PCDH19: variants seen among roughly 807,000 people sequenced by gnomAD.
PCDH19 encodes the protein protocadherin-19.
Under a neutral mutation model 46.2 loss-of-function variants are expected in PCDH19, and 6 were observed. The observed-to-expected ratio is 0.13, with a 90% CI of 0.07 to 0.26. The LOEUF is 0.26. Among genes scored for constraint, PCDH19 ranks in the 10% least tolerant of loss-of-function variants. The pLI, the probability that PCDH19 is intolerant of heterozygous loss-of-function variation, is 1.00. For synonymous variants in PCDH19, 481 were observed against 415.7 expected (o/e 1.16, Z -1.91); for missense variants, 740 against 972.3 (o/e 0.76, Z 3.18).
At chrX:100,298,072 A>G (rs946702747) in intron 5 of PCDH19, among the ~76,000 whole-genome samples, 1 of 110,771 alleles carries the variant, frequency 9.0e-6, no homozygotes, top group African/African-American at 3.3e-5. Context: ...GATGTCTGCA[A>G]TTCAGAGTCT....
intron 5 of PCDH19, among the ~76,000 whole-genome samples, chrX:100,315,616 G>A (rs1280004886): frequency 8.9e-6 from 1 of 112,357 alleles, no homozygotes; most frequent in Non-Finnish European, 1.9e-5. Flanking sequence ...CACCAAATAT[G>A]CTTAGAAGTC....
At chrX:100,344,918 C>T (rs951420847) in intron 4 of PCDH19, among the ~76,000 whole-genome samples, 5 of 108,168 alleles carry the variant, frequency 4.6e-5, no homozygotes, top group African/African-American at 1.7e-4. Context: ...TGCCAAATCA[C>T]CCCACAGTTG....
chrX:100,314,746 G>C (rs1217663421), intron 5 of PCDH19, among the ~76,000 whole-genome samples: 1 of 111,537 alleles, frequency 9.0e-6, no homozygotes, highest in Non-Finnish European at 1.9e-5. Context: ...AGATGGAATT[G>C]CCGTTACAAA....
At position 100,407,558 on chromosome X, in the gene PCDH19, T is replaced by G. The variant is rs755904886; in HGVS notation, c.1040A>C (p.Asn347Thr). ...LDTNDNPPVI[N>T]LLSVNSELVE... is the part of the protein sequence containing the mutation. Reference sequence around the variant, plus strand: ...AAGCTCACTGTTGACTGACAGCAGGTTGATGACCGGCGGATTGTCATTGGT... The same window carrying G: ...AAGCTCACTGTTGACTGACAGCAGGGTGATGACCGGCGGATTGTCATTGGT... The change falls in exon 1 of 6, where the codon AAC becomes ACC. Residue 347 changes from asparagine to threonine, a missense_variant. Coordinates refer to ENST00000373034, the MANE Select transcript of PCDH19 (RefSeq NM_001184880.2). 3 of 1,211,192 alleles carry G rather than the reference T, an allele frequency of 2.5e-6. No homozygotes were observed. Among genetic ancestry groups the G allele is most frequent in the Admixed American group, 4.3e-5 (2 of 46,103 alleles).
intron 3 of PCDH19, among the ~76,000 whole-genome samples, chrX:100,354,819 C>A (rs990858450): frequency 9.0e-6 from 1 of 110,742 alleles, no homozygotes; most frequent in African/African-American, 3.3e-5. Context: ...AGGAAATTTT[C>A]TCTAAATGTC....
intron 5 of PCDH19, among the ~76,000 whole-genome samples, chrX:100,331,361 A>G (rs1027102280): frequency 5.4e-5 from 6 of 112,024 alleles, no homozygotes; most frequent in African/African-American, 1.3e-4. Flanking sequence ...CAGTTGCAAA[A>G]GAGTCTGTTT....
At chrX:100,339,264 A>G (rs887690606) in intron 5 of PCDH19, among the ~76,000 whole-genome samples, 2 of 112,181 alleles carry the variant, frequency 1.8e-5, no homozygotes, top group African/African-American at 6.5e-5. Flanking sequence ...TTCCCATCAC[A>G]CTGTCAATGA....
rs6620865 is a variant in PCDH19 at position 100,327,629 on chromosome X, C to G, written c.2848+14274G>C. ...CTAGATAGTACATATAAAAGGAAAT[C>G]TGGATTATACCCCTTTTGTCCCTGC... is the stretch of plus-strand genomic sequence containing the variant. On this transcript the variant is annotated intron_variant, in intron 5 of 5. Transcript: ENST00000373034. 1.2e-3 allele frequency among the ~76,000 whole-genome samples: 134 copies of G among 111,948 alleles called. 2 individuals carry two copies. The East Asian group carries it at 0.031, about 26-fold the overall frequency.
chrX:100,408,666 G>C lies in PCDH19; in HGVS notation c.-69C>G. 1.0e-6 allele frequency: 1 copy of C among 956,186 alleles called. No individual in the cohort carries two copies. Among genetic ancestry groups the C allele is most frequent in the Non-Finnish European group, 1.4e-6 (1 of 693,952 alleles). 78.8% of individuals were successfully genotyped at this position (956,186 alleles called of 1,213,427 possible). A position where few individuals can be genotyped will look rare whatever the true frequency, so the allele number is the denominator to read the frequency against. On this transcript the variant is annotated 5_prime_UTR_variant, in exon 1 of 6. Transcript: ENST00000373034. ...CGAGACCGACGCCGTCGGCGCTCCA[G>C]CTTCCCGCCGGCTCGGGCCGCCTGT...
At chrX:100,322,866 T>TATATATATATATATATA (rs1491391280) in intron 5 of PCDH19, among the ~76,000 whole-genome samples, 1 of 36,877 alleles carries the variant, frequency 2.7e-5, no homozygotes, top group Non-Finnish European at 6.2e-5. Context: ...TATATATATA[T>TATATATATATATATATA]TTTTGCAGCT....
At chrX:100,405,725 T>A (rs762967589) in intron 1 of PCDH19, among the ~76,000 whole-genome samples, 2 of 111,296 alleles carry the variant, frequency 1.8e-5, no homozygotes, top group East Asian at 5.7e-4. Context: ...AAGATTGCTA[T>A]TTTTACTGAA....
intron 4 of PCDH19, among the ~76,000 whole-genome samples, chrX:100,350,227 TATC>T (rs1469139893): frequency 1.8e-5 from 2 of 112,112 alleles, no homozygotes; most frequent in Admixed American, 1.9e-4. Flanking sequence ...AGAATTTTGG[TATC>T]AACATGATTG....
chrX:100,404,510 T>G (rs1236685849), intron 1 of PCDH19, among the ~76,000 whole-genome samples: 6 of 112,225 alleles, frequency 5.3e-5, no homozygotes, highest in Non-Finnish European at 9.4e-5. Flanking sequence ...ATTAACCAAT[T>G]ATTTAATTAT....
intron 4 of PCDH19, among the ~76,000 whole-genome samples, chrX:100,347,544 T>A (rs1926441751): frequency 9.0e-6 from 1 of 111,620 alleles, no homozygotes. Context: ...GCGTGCCAAC[T>A]ATTTCATGTA....
At chrX:100,343,588 T>C (rs1044940785) in intron 4 of PCDH19, among the ~76,000 whole-genome samples, 9 of 112,209 alleles carry the variant, frequency 8.0e-5, no homozygotes, top group East Asian at 5.6e-4. Context: ...GGTACAGCTA[T>C]AGGGCACCCA....
intron 5 of PCDH19, among the ~76,000 whole-genome samples, chrX:100,338,058 A>G (rs1307148930): frequency 8.9e-6 from 1 of 111,769 alleles, no homozygotes; most frequent in Non-Finnish European, 1.9e-5. Flanking sequence ...AAAGTCTTCT[A>G]GGCCAGGCGC....
chrX:100,345,715 C>T (rs1020988201), intron 4 of PCDH19, among the ~76,000 whole-genome samples: 2 of 111,570 alleles, frequency 1.8e-5, no homozygotes, highest in African/African-American at 3.3e-5. Context: ...AGTGTGAGCA[C>T]GAGAAGTTGT....
At chrX:100,396,783 A>G (rs1356866667) in intron 3 of PCDH19, among the ~76,000 whole-genome samples, 1 of 112,009 alleles carries the variant, frequency 8.9e-6, no homozygotes, top group Non-Finnish European at 1.9e-5. Flanking sequence ...AAACATGCCA[A>G]TAAGATACAA....
chrX:100,341,781 G>A, intron 5 of PCDH19, 122 bp downstream of exon 5: 1 of 606,188 alleles, frequency 1.6e-6, no homozygotes, highest in East Asian at 3.5e-5. Flanking sequence ...AGATGCTGCT[G>A]AGGTGTGAGC....
Sources: allele counts gnomAD v4.1 joint callset (sites outside exome capture counted in the v4.1 genomes callset), GRCh38; gene constraint gnomAD v4.1.1; transcripts MANE v1.5; gene names NCBI Gene and HGNC (gene_info 2026-07-23, HGNC 2026-07-21).